RANBP2: variants seen among roughly 807,000 people sequenced by gnomAD.
RANBP2 encodes RAN binding protein 2, also known as E3 SUMO-protein ligase RanBP2.
In RANBP2, 57 loss-of-function variants were observed where a neutral mutation model predicts 303.6. That is an observed-to-expected ratio of 0.19 (90% CI 0.15 to 0.23). RANBP2 has a LOEUF of 0.23. Among genes scored for constraint, RANBP2 ranks in the 10% least tolerant of loss-of-function variants. The probability of loss-of-function intolerance (pLI) is 1.00; values close to 1 mark genes in which losing one functional copy is unlikely to be tolerated. For missense variants in RANBP2, 3,138 were observed against 3,780.8 expected (o/e 0.83, Z 4.46); for synonymous variants, 1,167 against 1,301.5 (o/e 0.90, Z 2.23).
chr2:109,727,203 A>G, the RANBP2 span, among the ~76,000 whole-genome samples: 4 of 152,358 alleles, frequency 2.6e-5, no homozygotes, highest in African/African-American at 9.6e-5. Context: ...TAATACGTTA[A>G]GAAAACACTT....
chr2:108,891,074 C>T, the RANBP2 span, among the ~76,000 whole-genome samples: 3 of 151,852 alleles, frequency 2.0e-5, no homozygotes, highest in Admixed American at 2.0e-4. Context: ...TATTGTTTTT[C>T]TGATTTCTTT....
At chr2:108,861,540 G>A in the RANBP2 span, among the ~76,000 whole-genome samples, 5 of 146,112 alleles carry the variant, frequency 3.4e-5, no homozygotes, top group Non-Finnish European at 7.4e-5. Context: ...GAGTGCAGTG[G>A]CATGATCTTG....
At chr2:109,192,743 G>C in the RANBP2 span, among the ~76,000 whole-genome samples, 2 of 152,174 alleles carry the variant, frequency 1.3e-5, no homozygotes, top group African/African-American at 2.4e-5. Context: ...AGTCCCTGGG[G>C]CTTCCAGTGC....
the RANBP2 span, among the ~76,000 whole-genome samples, chr2:109,083,923 T>G: frequency 1.3e-5 from 2 of 152,150 alleles, no homozygotes; most frequent in Admixed American, 1.3e-4. Context: ...CCCGGTCCAG[T>G]AGCCAATCAG....
the RANBP2 span, among the ~76,000 whole-genome samples, chr2:109,144,953 C>A: frequency 6.6e-6 from 1 of 152,228 alleles, no homozygotes; most frequent in Non-Finnish European, 1.5e-5. Context: ...CGTTCAGTGC[C>A]GATCTCAGGG....
At chr2:109,489,981 G>T in the RANBP2 span, among the ~76,000 whole-genome samples, 1 of 152,236 alleles carries the variant, frequency 6.6e-6, no homozygotes, top group East Asian at 1.9e-4. Flanking sequence ...CAAGTGATCT[G>T]CCCACCTTGG....
the RANBP2 span, among the ~76,000 whole-genome samples, chr2:109,738,332 T>TA: frequency 0.029 from 4,202 of 143,432 alleles, 159 homozygotes; most frequent in African/African-American, 0.08. Flanking sequence ...ATTGTTTTTT[T>TA]ATTTATTTTG....
the RANBP2 span, among the ~76,000 whole-genome samples, chr2:109,471,615 A>G: frequency 6.6e-6 from 1 of 152,196 alleles, no homozygotes. Context: ...AGGCCCAGAC[A>G]CTGTTGTATT....
At chr2:109,161,428 T>C in the RANBP2 span, among the ~76,000 whole-genome samples, 8 of 152,122 alleles carry the variant, frequency 5.3e-5, no homozygotes, top group Non-Finnish European at 8.8e-5. Context: ...GGGAATGTGA[T>C]GCTTCCTGAT....
the RANBP2 span, among the ~76,000 whole-genome samples, chr2:109,622,412 A>G: frequency 6.6e-6 from 1 of 152,198 alleles, no homozygotes; most frequent in Admixed American, 6.5e-5. Context: ...GGAAATTCAT[A>G]CTATTGCAGA....
the RANBP2 span, among the ~76,000 whole-genome samples, chr2:109,155,399 C>G: frequency 6.6e-6 from 1 of 152,154 alleles, no homozygotes; most frequent in African/African-American, 2.4e-5. Flanking sequence ...CTCCTGAGTT[C>G]ACCTGCCATT....
At chr2:108,980,709 A>T in the RANBP2 span, among the ~76,000 whole-genome samples, 2 of 152,152 alleles carry the variant, frequency 1.3e-5, no homozygotes, top group Non-Finnish European at 2.9e-5. Flanking sequence ...CAAGACACAC[A>T]GACATCTTGG....
chr2:109,196,840 G>A, the RANBP2 span, among the ~76,000 whole-genome samples: 2 of 152,204 alleles, frequency 1.3e-5, no homozygotes, highest in African/African-American at 4.8e-5. Context: ...CTCACAGGGA[G>A]ATCCTGCCAA....
the RANBP2 span, among the ~76,000 whole-genome samples, chr2:109,118,102 G>A: frequency 9.2e-5 from 14 of 152,310 alleles, no homozygotes; most frequent in African/African-American, 2.6e-4. Flanking sequence ...GGCCTTCTGC[G>A]GACCCTCATA....
the RANBP2 span, among the ~76,000 whole-genome samples, chr2:109,485,885 C>CT: frequency 6.6e-6 from 1 of 152,274 alleles, no homozygotes; most frequent in African/African-American, 2.4e-5. Context: ...CCTCCAGTCC[C>CT]TGGCCCTCCC....
the RANBP2 span, among the ~76,000 whole-genome samples, chr2:108,831,913 A>G: frequency 1.3e-5 from 2 of 151,368 alleles, no homozygotes; most frequent in Admixed American, 6.6e-5. Context: ...TTGTATATTT[A>G]GTAGAGATGG....
intron 17 of RANBP2, among the ~76,000 whole-genome samples, chr2:108,755,489 A>G (rs1216537430): frequency 6.6e-6 from 1 of 151,860 alleles, no homozygotes; most frequent in Non-Finnish European, 1.5e-5. Context: ...CTCCTAGCTC[A>G]AGAGAGGCTC....
At chr2:108,892,075 A>G in the RANBP2 span, among the ~76,000 whole-genome samples, 1 of 152,086 alleles carries the variant, frequency 6.6e-6, no homozygotes, top group African/African-American at 2.4e-5. Flanking sequence ...GGATAAGGTG[A>G]TCCTCAGGCC....
chr2:109,529,924 G>A, the RANBP2 span, among the ~76,000 whole-genome samples: 105 of 152,296 alleles, frequency 6.9e-4, 1 homozygote, highest in African/African-American at 2.5e-3. Context: ...TCTAGAATGA[G>A]TCTCATGTGC....
Sources: gnomAD v4.1 joint callset for allele counts (sites outside exome capture counted in the v4.1 genomes callset) on GRCh38, gnomAD v4.1.1 for gene constraint, MANE v1.5 for transcripts, NCBI Gene and HGNC (gene_info 2026-07-23, HGNC 2026-07-21) for gene names.